The following PDZD2 variants were observed in gnomAD, a reference collection of about 807,000 sequenced individuals.
The protein encoded by PDZD2 is PDZ domain containing 2.
A neutral mutation model predicts 220.7 loss-of-function variants in PDZD2; 90 were observed. The ratio of observed to expected loss-of-function variants is 0.41; its 90% CI spans 0.34 to 0.49. PDZD2 has a LOEUF of 0.49. Among genes scored for constraint, PDZD2 ranks in the 20% least tolerant of loss-of-function variants. The probability of loss-of-function intolerance (pLI) is 0.28; values close to 1 mark genes in which losing one functional copy is unlikely to be tolerated. For missense variants in PDZD2, 3,174 were observed against 3,608.5 expected, an observed-to-expected ratio of 0.88 and a Z score of 3.08; for synonymous variants, 1,375 against 1,450.5, an observed-to-expected ratio of 0.95 and a Z score of 1.18.
At chr5:31,855,817 G>A (rs1758397469) in intron 2 of PDZD2, among the ~76,000 whole-genome samples, 1 of 152,186 alleles carries the variant, frequency 6.6e-6, no homozygotes, top group South Asian at 2.1e-4. Context: ...AAAGATGCAG[G>A]ATGTTTGGAA....
chr5:31,770,350 A>G (rs1256859661), intron 1 of PDZD2, among the ~76,000 whole-genome samples: 2 of 152,204 alleles, frequency 1.3e-5, no homozygotes, highest in African/African-American at 2.4e-5. Flanking sequence ...GACGGAACCA[A>G]TTGAATAGGA....
At chr5:31,869,418 C>A (rs1204264248) in intron 2 of PDZD2, among the ~76,000 whole-genome samples, 2 of 152,168 alleles carry the variant, frequency 1.3e-5, no homozygotes, top group South Asian at 2.1e-4. Context: ...CAAAAATTAG[C>A]CGGGCGTGGT....
At chr5:31,818,810 C>T (rs1030174462) in intron 2 of PDZD2, among the ~76,000 whole-genome samples, 1 of 152,082 alleles carries the variant, frequency 6.6e-6, no homozygotes, top group Admixed American at 6.6e-5. Flanking sequence ...ACTAATTCTC[C>T]ATTAATTTAA....
Position 31,854,971 on chromosome 5 carries a change from T to C in PDZD2, c.476+55247T>C, listed in dbSNP as rs768885193. 962 of 985,324 alleles carry C rather than the reference T, an allele frequency of 9.8e-4. 2 individuals are homozygous for C. The highest frequency in any genetic ancestry group is 1.1e-3 in the Non-Finnish European group (924 of 829,998). The allele number at this position is 985,324 out of a possible 1,614,324, so 61.0% of individuals were successfully genotyped here. On this transcript the variant is annotated intron_variant, in intron 2 of 24. Coordinates refer to ENST00000438447, the MANE Select transcript of PDZD2 (RefSeq NM_178140.4). ...GCGGAGAGCAGCCTTCGGGAAGTCC[T>C]GCAGGAGCCGCGTTCCAGGAGGGCA...
At chr5:31,731,043 G>A (rs1288443686) in intron 1 of PDZD2, among the ~76,000 whole-genome samples, 1 of 152,152 alleles carries the variant, frequency 6.6e-6, no homozygotes, top group African/African-American at 2.4e-5. Context: ...CAAGGTATTT[G>A]CAAGCCTAAA....
intron 2 of PDZD2, among the ~76,000 whole-genome samples, chr5:31,958,285 A>T (rs1224749148): frequency 6.6e-6 from 1 of 150,386 alleles, no homozygotes; most frequent in Non-Finnish European, 1.5e-5. Flanking sequence ...ACGGAGTCTC[A>T]CTCTTTTGCC....
chr5:31,995,490 C>A, intron 3 of PDZD2, 86 bp from the exon 4 acceptor site: 1 of 1,362,890 alleles, frequency 7.3e-7, no homozygotes, highest in African/African-American at 1.4e-5. Context: ...GATGGATATT[C>A]GGCCAGACGT....
chr5:31,684,077 C>G (rs994293658), intron 1 of PDZD2, among the ~76,000 whole-genome samples: 3 of 152,198 alleles, frequency 2.0e-5, no homozygotes, highest in Admixed American at 2.0e-4. Context: ...AGGATCCCTA[C>G]AGATCTATTT....
chr5:31,880,730 G>A (rs1229599565), intron 2 of PDZD2, among the ~76,000 whole-genome samples: 2 of 150,470 alleles, frequency 1.3e-5, no homozygotes, highest in African/African-American at 4.9e-5. Flanking sequence ...AGCCAAGTCG[G>A]GTAAACATGA....
intron 4 of PDZD2, among the ~76,000 whole-genome samples, 172 bp downstream of exon 4, chr5:31,995,890 ACC>A (rs1274594152): frequency 6.6e-6 from 1 of 152,136 alleles, no homozygotes; most frequent in East Asian, 1.9e-4. Context: ...AATTGAACAC[ACC>A]TCTGAGCACA....
At chr5:31,755,616 CT>C (rs34226643) in intron 1 of PDZD2, among the ~76,000 whole-genome samples, 64,801 of 137,598 alleles carry the variant, frequency 0.47, 14,034 homozygotes, top group Admixed American at 0.57. Flanking sequence ...GGTGGTGTGT[CT>C]TTTTTTTTTT....
chr5:31,951,966 A>G (rs1263942134), intron 2 of PDZD2, among the ~76,000 whole-genome samples: 2 of 152,168 alleles, frequency 1.3e-5, no homozygotes, highest in East Asian at 1.9e-4. Flanking sequence ...ATTTTTGTCT[A>G]TTTTGAATAC....
At chr5:31,658,904 C>T (rs1745659368) in intron 1 of PDZD2, among the ~76,000 whole-genome samples, 1 of 152,192 alleles carries the variant, frequency 6.6e-6, no homozygotes, top group East Asian at 1.9e-4. Context: ...CAGGCGTGAG[C>T]CACCACGCCT....
chr5:32,035,596 G>A (rs1228795547), intron 6 of PDZD2, among the ~76,000 whole-genome samples: 6 of 151,344 alleles, frequency 4.0e-5, no homozygotes, highest in Non-Finnish European at 5.9e-5. Flanking sequence ...TCACCCTCCT[G>A]AATAGCTGGG....
chr5:31,660,017 A>G (rs748481182), intron 1 of PDZD2, among the ~76,000 whole-genome samples: 1 of 152,134 alleles, frequency 6.6e-6, no homozygotes, highest in Non-Finnish European at 1.5e-5. Flanking sequence ...GGATCAGGTA[A>G]TTTTCCTAAG....
At chr5:31,760,005 C>T (rs1024970035) in intron 1 of PDZD2, among the ~76,000 whole-genome samples, 9 of 152,208 alleles carry the variant, frequency 5.9e-5, no homozygotes, top group Non-Finnish European at 1.0e-4. Flanking sequence ...CAGGACTCTG[C>T]ATTTGCAGAG....
intron 1 of PDZD2, among the ~76,000 whole-genome samples, chr5:31,697,494 G>A (rs1747423968): frequency 6.6e-6 from 1 of 152,162 alleles, no homozygotes; most frequent in Non-Finnish European, 1.5e-5. Context: ...AAGAAAATCG[G>A]AAAGAACATA....
chr5:31,805,057 T>C (rs1754632686), intron 2 of PDZD2, among the ~76,000 whole-genome samples: 1 of 152,126 alleles, frequency 6.6e-6, no homozygotes, highest in African/African-American at 2.4e-5. Flanking sequence ...TAGCCAGGTG[T>C]GGTGATGCAT....
chr5:32,022,185 G>GTTTTTTTTTTTTTTTT lies in PDZD2; in HGVS notation c.1407+11710_1407+11711insTTTTTTTTTTTTTTTT, dbSNP rs145876120. Among the ~76,000 whole-genome samples, 6 of 135,586 alleles carry GTTTTTTTTTTTTTTTT rather than the reference G, an allele frequency of 4.4e-5. 1 individual carries two copies. The highest frequency in any genetic ancestry group is 6.2e-5 in the Non-Finnish European group (4 of 64,152). The allele number at this position is 135,586 out of a possible 152,430, so 88.9% of individuals were successfully genotyped here. A position where few individuals can be genotyped will look rare whatever the true frequency, so the allele number is the denominator to read the frequency against. ...TCTTCTTTTTTCGTTTTGTTTTTTT[G>GTTTTTTTTTTTTTTTT]TTTTTTTGTTTTTTGTTTTTTTTTG... On this transcript the variant is annotated intron_variant, in intron 6 of 24. Transcript: ENST00000438447.
Sources: allele counts gnomAD v4.1 joint callset (sites outside exome capture counted in the v4.1 genomes callset), GRCh38; gene constraint gnomAD v4.1.1; transcripts MANE v1.5; gene names NCBI Gene and HGNC (gene_info 2026-07-23, HGNC 2026-07-21).